Variants in FOXP1 observed in about 807,000 individuals in gnomAD.
FOXP1 encodes the protein forkhead box P1.
A neutral mutation model predicts 98.2 loss-of-function variants in FOXP1; 15 were observed. That is an observed-to-expected ratio of 0.15 (90% CI 0.10 to 0.24). The LOEUF is 0.24. Ranked by LOEUF, FOXP1 falls within the 10% of genes least tolerant of loss-of-function variation. The pLI, the probability that FOXP1 is intolerant of heterozygous loss-of-function variation, is 1.00. For synonymous variants in FOXP1, 371 were observed against 314.5 expected (o/e 1.18, Z -1.90); for missense variants, 633 against 848.5 (o/e 0.75, Z 3.15).
At chr3:70,972,171 G>C (rs747938960) in intron 18 of FOXP1, 3 of 1,525,824 alleles carry the variant, frequency 2.0e-6, no homozygotes, top group Non-Finnish European at 2.6e-6. Flanking sequence ...AGGTTGGTGC[G>C]AATGGCACCC....
chr3:71,158,179 G>A (rs1159103714), intron 6 of FOXP1, among the ~76,000 whole-genome samples: 18 of 105,392 alleles, frequency 1.7e-4, no homozygotes, highest in Admixed American at 4.8e-4. Flanking sequence ...GAAGGAAGGA[G>A]GGAAGGAGGG....
rs566468954 is a variant in FOXP1, at chr3:71,065,340, C to T, written c.283-11567G>A. On this transcript the variant is annotated intron_variant, in intron 7 of 20. Coordinates refer to ENST00000649528, the MANE Select transcript of FOXP1 (RefSeq NM_001349338.3). ...GTTGTCCTAACCTTTCCGAGAAACC[C>T]GGGAGGCCGAAGAGGGGCACCCGGC... Among the ~76,000 whole-genome samples, 32 of 152,224 alleles carry T rather than the reference C, an allele frequency of 2.1e-4. No homozygotes were observed. In the East Asian group the frequency reaches 3.7e-3, roughly 18 times the overall value.
At chr3:71,067,415 A>G (rs2052647098) in intron 7 of FOXP1, among the ~76,000 whole-genome samples, 1 of 152,194 alleles carries the variant, frequency 6.6e-6, no homozygotes, top group African/African-American at 2.4e-5. Flanking sequence ...ACTTCGTTAA[A>G]ACCATTTATT....
At chr3:71,145,360 A>C (rs2108025796) in intron 6 of FOXP1, among the ~76,000 whole-genome samples, 1 of 152,020 alleles carries the variant, frequency 6.6e-6, no homozygotes, top group Admixed American at 6.6e-5. Flanking sequence ...AACATAGTGA[A>C]GCCCTGTCTC....
intron 7 of FOXP1, among the ~76,000 whole-genome samples, chr3:71,069,073 T>A (rs2052905231): frequency 6.6e-6 from 1 of 152,250 alleles, no homozygotes; most frequent in South Asian, 2.1e-4. Context: ...GTCACTGTTA[T>A]GCATATGTTG....
intron 2 of FOXP1, among the ~76,000 whole-genome samples, chr3:71,524,788 T>G (rs1241478240): frequency 6.6e-6 from 1 of 152,224 alleles, no homozygotes; most frequent in Non-Finnish European, 1.5e-5. Flanking sequence ...CAGAAAATGT[T>G]TGACCTCAAG....
At chr3:71,367,353 T>C (rs2078994619) in intron 3 of FOXP1, among the ~76,000 whole-genome samples, 1 of 152,166 alleles carries the variant, frequency 6.6e-6, no homozygotes, top group Non-Finnish European at 1.5e-5. Flanking sequence ...TTGCATTCAC[T>C]CCCTGTTTGC....
intron 6 of FOXP1, among the ~76,000 whole-genome samples, chr3:71,146,794 C>A (rs765295283): frequency 6.6e-6 from 1 of 152,212 alleles, no homozygotes; most frequent in Non-Finnish European, 1.5e-5. Flanking sequence ...GAATTAATAT[C>A]TTGGCTGAAA....
At chr3:71,348,558 C>CGT (rs1560349386) in intron 4 of FOXP1, among the ~76,000 whole-genome samples, 5 of 140,852 alleles carry the variant, frequency 3.5e-5, no homozygotes, top group South Asian at 4.4e-4. Flanking sequence ...TGCGTGCGCG[C>CGT]GCGCACGCAT....
chr3:71,220,950 T>C (rs2065330471), intron 5 of FOXP1, among the ~76,000 whole-genome samples: 1 of 150,702 alleles, frequency 6.6e-6, no homozygotes, highest in Admixed American at 6.6e-5. Context: ...AGAAAACCTG[T>C]AGGCCAAGAA....
At chr3:71,239,555 C>T (rs1469812854) in intron 5 of FOXP1, among the ~76,000 whole-genome samples, 1 of 151,882 alleles carries the variant, frequency 6.6e-6, no homozygotes, top group East Asian at 1.9e-4. Flanking sequence ...AAAACAAAAA[C>T]AAACAAACAA....
chr3:71,353,576 C>T (rs534943013), intron 4 of FOXP1, among the ~76,000 whole-genome samples: 1 of 152,194 alleles, frequency 6.6e-6, no homozygotes, highest in African/African-American at 2.4e-5. Flanking sequence ...ATGCCTTAAA[C>T]TATATTTTAA....
In FOXP1 at chr3:71,292,954, T is replaced by A. The variant is rs149294664; in HGVS notation, c.-12+6866A>T. On this transcript the variant is annotated intron_variant, in intron 5 of 20. Coordinates refer to ENST00000649528, the MANE Select transcript of FOXP1 (RefSeq NM_001349338.3). ...CAAACTTCAAATCCAAACTCAGCAC[T>A]GCTTAGTAACTGTCACTACAGCTTC... Among the ~76,000 whole-genome samples, 987 of 152,332 alleles carry A rather than the reference T, an allele frequency of 6.5e-3. 14 individuals are homozygous for A. Among genetic ancestry groups the A allele is most frequent in the African/African-American group, 0.022 (927 of 41,574 alleles).
intron 4 of FOXP1, among the ~76,000 whole-genome samples, chr3:71,338,501 CACTGCA>C (rs1373075630): frequency 6.6e-6 from 1 of 152,176 alleles, no homozygotes; most frequent in Non-Finnish European, 1.5e-5. Flanking sequence ...AATCTCGGCT[CACTGCA>C]AGCTCCATCT....
rs185144134 is a variant in FOXP1, at chr3:71,405,730, A to T, written c.-167-46486T>A. ...TCCAGGCAACAGTATTTATTTATTT[A>T]TTTATTTATTTTTTTGAGATGGAGT... On this transcript the variant is annotated intron_variant, in intron 3 of 20. Coordinates refer to ENST00000649528, the MANE Select transcript of FOXP1 (RefSeq NM_001349338.3). Among the ~76,000 whole-genome samples the T allele has an allele frequency of 6.3e-3, 951 of 150,872 alleles. 6 individuals carry two copies. The highest frequency in any genetic ancestry group is 0.03 in the South Asian group (142 of 4,700).
chr3:71,166,360 C>A (rs548064771), intron 6 of FOXP1, among the ~76,000 whole-genome samples: 3 of 152,278 alleles, frequency 2.0e-5, no homozygotes, highest in South Asian at 2.1e-4. Context: ...CCTGTTACGG[C>A]CCCCATCTTC....
At chr3:71,499,172 C>G (rs954760112) in intron 2 of FOXP1, among the ~76,000 whole-genome samples, 1 of 152,174 alleles carries the variant, frequency 6.6e-6, no homozygotes, top group African/African-American at 2.4e-5. Flanking sequence ...ATTCATTTCT[C>G]TAGTTCTGAG....
At chr3:71,139,554 C>T (rs2059970409) in intron 6 of FOXP1, among the ~76,000 whole-genome samples, 1 of 150,334 alleles carries the variant, frequency 6.7e-6, no homozygotes, top group Non-Finnish European at 1.5e-5. Flanking sequence ...AAAATAGTCT[C>T]ATCTGAAATG....
chr3:71,116,088 G>A (rs2058356665), intron 6 of FOXP1, among the ~76,000 whole-genome samples: 2 of 152,172 alleles, frequency 1.3e-5, no homozygotes, highest in Non-Finnish European at 2.9e-5. Flanking sequence ...CATAAGGAAA[G>A]GAAAGTATAG....
Sources: gnomAD v4.1 joint callset for allele counts (sites outside exome capture counted in the v4.1 genomes callset) on GRCh38, gnomAD v4.1.1 for gene constraint, MANE v1.5 for transcripts, NCBI Gene and HGNC (gene_info 2026-07-23, HGNC 2026-07-21) for gene names.